Variants in TGFBRAP1 observed in about 807,000 individuals in gnomAD.
TGFBRAP1 encodes the protein transforming growth factor-beta receptor-associated protein 1.
In TGFBRAP1, 20 loss-of-function variants were observed where a neutral mutation model predicts 83.2. That is an observed-to-expected ratio of 0.24 (90% CI 0.17 to 0.35). TGFBRAP1 has a LOEUF of 0.35. Among genes scored for constraint, TGFBRAP1 ranks in the 10% least tolerant of loss-of-function variants. The probability of loss-of-function intolerance (pLI) is 1.00; values close to 1 mark genes in which losing one functional copy is unlikely to be tolerated. For synonymous variants in TGFBRAP1, 415 were observed against 459.8 expected (o/e 0.90, Z 1.25); for missense variants, 950 against 1,099.4 (o/e 0.86, Z 1.92).
Position 105,275,552 on chromosome 2 carries a change from G to C in TGFBRAP1, c.1665+8C>G, listed in dbSNP as rs770144195. On this transcript the variant is annotated splice_region_variant and intron_variant, in intron 8 of 11. Transcript: ENST00000393359. ...ACCAAAGAGAATGCATTTTTACGAA[G>C]CACAAACCTCTTCACTTTTCTGCAG... is the stretch of plus-strand genomic sequence containing the variant. 1 of 1,613,378 alleles carries C rather than the reference G, an allele frequency of 6.2e-7. No homozygotes were observed. Among genetic ancestry groups the C allele is most frequent in the Non-Finnish European group, 8.5e-7 (1 of 1,179,814 alleles).
In TGFBRAP1 at chr2:105,322,922, G is replaced by A. The variant is rs377266764; in HGVS notation, c.-18+6703C>T. Among the ~76,000 whole-genome samples, 317 of 152,268 alleles carry A rather than the reference G, an allele frequency of 2.1e-3. 3 individuals carry two copies. Among genetic ancestry groups the A allele is most frequent in the African/African-American group, 7.0e-3 (293 of 41,568 alleles). On this transcript the variant is annotated intron_variant, in intron 1 of 11. Coordinates refer to ENST00000393359, the MANE Select transcript of TGFBRAP1 (RefSeq NM_004257.6). ...TAACAGCCTTTGAGACGGATGGGGGGCAGACAGAGCTTGGCACACTTCAGC... is the reference window on the plus strand; with the variant it reads ...TAACAGCCTTTGAGACGGATGGGGGACAGACAGAGCTTGGCACACTTCAGC...
intron 4 of TGFBRAP1, among the ~76,000 whole-genome samples, chr2:105,295,063 C>A (rs1161846800): frequency 6.6e-6 from 1 of 152,206 alleles, no homozygotes; most frequent in Non-Finnish European, 1.5e-5. Flanking sequence ...CAGCTTTCTT[C>A]TTTTTGCCTT....
chr2:105,267,322 T>C lies in TGFBRAP1; in HGVS notation c.*61A>G. 1 of 1,595,498 alleles carries C rather than the reference T, an allele frequency of 6.3e-7. No individual in the cohort carries two copies. Among genetic ancestry groups the C allele is most frequent in the Middle Eastern group, 2.0e-4 (1 of 5,046 alleles). On this transcript the variant is annotated 3_prime_UTR_variant, in exon 12 of 12. Transcript: ENST00000393359. ...CACAGAGCATGGTGGTCATCTGCTC[T>C]TCATGTCCAGCAGGCTCAGAAAGAA...
intron 5 of TGFBRAP1, among the ~76,000 whole-genome samples, chr2:105,283,804 G>C (rs910641650): frequency 4.6e-5 from 7 of 152,180 alleles, no homozygotes; most frequent in African/African-American, 1.4e-4. Flanking sequence ...AGTGCCAGAA[G>C]GGACCTCCTT....
chr2:105,278,705 A>G (rs1347650469), intron 6 of TGFBRAP1, among the ~76,000 whole-genome samples: 3 of 152,136 alleles, frequency 2.0e-5, no homozygotes, highest in Non-Finnish European at 2.9e-5. Context: ...AAACTGGAGT[A>G]AGTTGACCAG....
chr2:105,291,071 C>T (rs78471416), intron 4 of TGFBRAP1, among the ~76,000 whole-genome samples: 5,320 of 152,156 alleles, frequency 0.035, 174 homozygotes, highest in East Asian at 0.14. Flanking sequence ...CTGTTACGGA[C>T]GGAATGCTTG....
the TGFBRAP1 span, among the ~76,000 whole-genome samples, chr2:105,257,687 C>A: frequency 6.6e-6 from 1 of 152,184 alleles, no homozygotes; most frequent in African/African-American, 2.4e-5. Context: ...TATTTGGATG[C>A]ATTTTATATA....
At chr2:105,310,734 T>C (rs17030797) in intron 1 of TGFBRAP1, among the ~76,000 whole-genome samples, 2,040 of 152,216 alleles carry the variant, frequency 0.013, 54 homozygotes, top group African/African-American at 0.047. Flanking sequence ...CTAGACAACA[T>C]TTTTTTCTCC....
At chr2:105,277,764 A>G in intron 6 of TGFBRAP1, 93 bp from the exon 7 acceptor site, 2 of 1,198,266 alleles carry the variant, frequency 1.7e-6, no homozygotes, top group South Asian at 1.2e-5. Flanking sequence ...AGCTCCCCAT[A>G]TTCTATTCAA....
At chr2:105,251,630 C>A in the TGFBRAP1 span, among the ~76,000 whole-genome samples, 1 of 152,198 alleles carries the variant, frequency 6.6e-6, no homozygotes, top group African/African-American at 2.4e-5. Context: ...GCCGCCACCC[C>A]GTCTGGGAGG....
chr2:105,296,756 CTTTTTTTTTTTTT>C (rs60031957), intron 3 of TGFBRAP1, among the ~76,000 whole-genome samples: 7 of 73,226 alleles, frequency 9.6e-5, no homozygotes, highest in African/African-American at 1.5e-4. Context: ...CTTTTTTTGC[CTTTTTTTTTTTTT>C]TTTTTTTTTT....
intron 2 of TGFBRAP1, among the ~76,000 whole-genome samples, chr2:105,303,368 G>T (rs1205201387): frequency 6.6e-6 from 1 of 152,204 alleles, no homozygotes; most frequent in Non-Finnish European, 1.5e-5. Flanking sequence ...CCAGACTGTG[G>T]TCTGTAAACA....
chr2:105,311,145 T>TAAAAAAAAAAAAAAAAA (rs11389565), intron 1 of TGFBRAP1, among the ~76,000 whole-genome samples: 1 of 125,450 alleles, frequency 8.0e-6, no homozygotes, highest in Non-Finnish European at 1.6e-5. Flanking sequence ...GAGAGAGCTG[T>TAAAAAAAAAAAAAAAAA]AAAAAAAAAA....
At chr2:105,274,832 G>T (rs1000906961) in intron 8 of TGFBRAP1, among the ~76,000 whole-genome samples, 1 of 152,184 alleles carries the variant, frequency 6.6e-6, no homozygotes, top group Non-Finnish European at 1.5e-5. Flanking sequence ...CTCCATTCAG[G>T]ACCAACGTCC....
At chr2:105,277,792 G>C in intron 6 of TGFBRAP1, 121 bp from the exon 7 acceptor site, 3 of 991,710 alleles carry the variant, frequency 3.0e-6, no homozygotes, top group Non-Finnish European at 4.8e-6. Context: ...TCAGGCTCAT[G>C]CCTGTAATCC....
intron 6 of TGFBRAP1, among the ~76,000 whole-genome samples, chr2:105,279,753 C>A (rs934127498): frequency 1.3e-5 from 2 of 152,092 alleles, no homozygotes; most frequent in Admixed American, 1.3e-4. Flanking sequence ...AAAATAACTT[C>A]ATGGCTGGGC....
At chr2:105,291,863 G>C (rs1445567268) in intron 4 of TGFBRAP1, among the ~76,000 whole-genome samples, 1 of 152,154 alleles carries the variant, frequency 6.6e-6, no homozygotes, top group Non-Finnish European at 1.5e-5. Context: ...TGACATAAAA[G>C]AAATTTGTAT....
Position 105,296,426 on chromosome 2 carries a change from C to A in TGFBRAP1, c.968G>T (p.Ser323Ile), listed in dbSNP as rs1678091005. The A allele has an allele frequency of 6.2e-7, 1 of 1,614,144 alleles. No homozygotes were observed. Among genetic ancestry groups the A allele is most frequent in the African/African-American group, 1.3e-5 (1 of 75,052 alleles). Reference sequence around the variant, plus strand: ...AACCAAAGCCTCTTCTACTCTGCGGCTTGCTAGAAGATCCTGTATTTGTTT... The same window carrying A: ...AACCAAAGCCTCTTCTACTCTGCGGATTGCTAGAAGATCCTGTATTTGTTT... ...LEKQIQDLLA[S>I]RRVEEALVLA... Residue 323 changes from serine (S) to isoleucine (I), a missense_variant, in exon 4 of 12, where the codon AGC becomes ATC. Transcript: ENST00000393359.
At chr2:105,306,578 C>T (rs1286997669) in intron 2 of TGFBRAP1, among the ~76,000 whole-genome samples, 1 of 151,732 alleles carries the variant, frequency 6.6e-6, no homozygotes, top group Non-Finnish European at 1.5e-5. Flanking sequence ...TGGGTGGATC[C>T]CTTGAGGTCA....
Sources: gnomAD v4.1 joint callset for allele counts (sites outside exome capture counted in the v4.1 genomes callset) on GRCh38, gnomAD v4.1.1 for gene constraint, MANE v1.5 for transcripts, NCBI Gene and HGNC (gene_info 2026-07-23, HGNC 2026-07-21) for gene names.